FAM168A: variants seen among roughly 807,000 people sequenced by gnomAD.
FAM168A encodes protein FAM168A.
Under a neutral mutation model 28.5 loss-of-function variants are expected in FAM168A, and 3 were observed. The ratio of observed to expected loss-of-function variants is 0.11; its 90% CI spans 0.05 to 0.27. The LOEUF is 0.27. Among genes scored for constraint, FAM168A ranks in the 10% least tolerant of loss-of-function variants. FAM168A has a pLI of 1.00. For synonymous variants in FAM168A, 122 were observed against 124.2 expected, an observed-to-expected ratio of 0.98 and a Z score of 0.12; for missense variants, 222 against 311.5, an observed-to-expected ratio of 0.71 and a Z score of 2.16.
At chr11:73,469,340 A>G (rs1366707614) in intron 1 of FAM168A, among the ~76,000 whole-genome samples, 1 of 152,204 alleles carries the variant, frequency 6.6e-6, no homozygotes, top group Non-Finnish European at 1.5e-5. Context: ...GTCTCCAAAT[A>G]TATTATTTAC....
intron 4 of FAM168A, among the ~76,000 whole-genome samples, chr11:73,416,895 G>A (rs891595031): frequency 5.9e-5 from 9 of 151,972 alleles, no homozygotes; most frequent in Admixed American, 3.9e-4. Flanking sequence ...GCAGTGTGAC[G>A]TGATTGTGCC....
intron 5 of FAM168A, chr11:73,410,692 TTTAAG>T (rs1428816484): frequency 6.6e-6 from 1 of 152,202 alleles, no homozygotes; most frequent in Non-Finnish European, 1.5e-5. Flanking sequence ...TTGAGATCAA[TTTAAG>T]TTTTGTCTTC....
At chr11:73,414,649 T>C (rs745477185) in intron 4 of FAM168A, among the ~76,000 whole-genome samples, 19 of 152,208 alleles carry the variant, frequency 1.2e-4, no homozygotes, top group Non-Finnish European at 2.1e-4. Context: ...ACATTAACTG[T>C]TAAGTAAAAA....
At chr11:73,484,628 A>T (rs1868023482) in intron 1 of FAM168A, among the ~76,000 whole-genome samples, 1 of 145,020 alleles carries the variant, frequency 6.9e-6, no homozygotes, top group African/African-American at 2.6e-5. Flanking sequence ...CTATATATAG[A>T]TATCTATATC....
At chr11:73,556,661 C>T (rs1256580898) in intron 1 of FAM168A, among the ~76,000 whole-genome samples, 3 of 151,678 alleles carry the variant, frequency 2.0e-5, no homozygotes, top group Non-Finnish European at 4.4e-5. Context: ...ATTTAATACG[C>T]TAAACTATAC....
At chr11:73,570,733 CAAA>C (rs1239311974) in intron 1 of FAM168A, among the ~76,000 whole-genome samples, 2 of 92,992 alleles carry the variant, frequency 2.2e-5, no homozygotes, top group Admixed American at 1.2e-4. Flanking sequence ...GATACTGTCT[CAAA>C]AAAAAAAAAA....
At chr11:73,558,469 TAAA>T (rs367874557) in intron 1 of FAM168A, among the ~76,000 whole-genome samples, 5,411 of 75,364 alleles carry the variant, frequency 0.072, 407 homozygotes, top group African/African-American at 0.23. Flanking sequence ...ACCCTGTCTC[TAAA>T]AAAAAAAAAA....
intron 1 of FAM168A, among the ~76,000 whole-genome samples, chr11:73,577,978 T>G (rs934788630): frequency 6.6e-6 from 1 of 152,192 alleles, no homozygotes; most frequent in South Asian, 2.1e-4. Flanking sequence ...GAACAGGAGC[T>G]CTAAGTGACA....
chr11:73,510,889 A>G (rs1360199342), intron 1 of FAM168A: 1 of 280,966 alleles, frequency 3.6e-6, no homozygotes, highest in Admixed American at 5.3e-5. Flanking sequence ...TGACCACCAG[A>G]TCCAATGGAA....
intron 1 of FAM168A, among the ~76,000 whole-genome samples, chr11:73,508,735 T>C (rs538853639): frequency 3.3e-5 from 5 of 151,952 alleles, no homozygotes; most frequent in Admixed American, 6.6e-5. Flanking sequence ...TGTGACCTGC[T>C]CTATAGGATG....
chr11:73,458,662 G>C (rs1358944023), intron 2 of FAM168A, among the ~76,000 whole-genome samples: 2 of 152,124 alleles, frequency 1.3e-5, no homozygotes, highest in Admixed American at 1.3e-4. Flanking sequence ...CCAGGCTGGA[G>C]TGCAATGGTG....
At chr11:73,491,900 C>T (rs145809720) in intron 1 of FAM168A, among the ~76,000 whole-genome samples, 80 of 152,302 alleles carry the variant, frequency 5.3e-4, no homozygotes, top group African/African-American at 1.7e-3. Context: ...TGTGTAAAGT[C>T]CTTGGAATAC....
chr11:73,432,213 G>A (rs1436649522), intron 2 of FAM168A, among the ~76,000 whole-genome samples: 2 of 152,156 alleles, frequency 1.3e-5, no homozygotes, highest in Non-Finnish European at 2.9e-5. Context: ...TTTGGCTATT[G>A]TGAATAATGG....
intron 1 of FAM168A, among the ~76,000 whole-genome samples, chr11:73,580,812 G>A (rs1181679615): frequency 6.6e-6 from 1 of 152,142 alleles, no homozygotes; most frequent in East Asian, 1.9e-4. Context: ...TGGCCACCTT[G>A]GCACAAAAGC....
At position 73,404,251 on chromosome 11, in the gene FAM168A, CAG is replaced by C. The variant is rs1866463130; in HGVS notation, c.*2510_*2511del. The C allele has an allele frequency of 6.6e-6, 1 of 152,190 alleles. No homozygotes were observed. The highest frequency in any genetic ancestry group is 6.5e-5 in the Admixed American group (1 of 15,282). The allele number at this position is 152,190 out of a possible 1,614,324, so 9.4% of individuals were successfully genotyped here. On this transcript the variant is annotated 3_prime_UTR_variant, in exon 8 of 8. Transcript: ENST00000356467. Reference sequence around the variant, plus strand: ...TCCACCCCAGCCCACATGGAGGCAGCAGGGTTCTGGGAAGCCTAGCGGATACC... The same window carrying C: ...TCCACCCCAGCCCACATGGAGGCAGCGGTTCTGGGAAGCCTAGCGGATACC...
intron 1 of FAM168A, among the ~76,000 whole-genome samples, chr11:73,555,802 A>T (rs1269342360): frequency 6.6e-6 from 1 of 152,184 alleles, no homozygotes; most frequent in African/African-American, 2.4e-5. Flanking sequence ...TCAGCAAATC[A>T]GAGAACTAGT....
chr11:73,587,451 C>T (rs1225021403), intron 1 of FAM168A, among the ~76,000 whole-genome samples: 1 of 151,234 alleles, frequency 6.6e-6, no homozygotes, highest in Non-Finnish European at 1.5e-5. Context: ...CAGATCGCAC[C>T]ACTGCACTCC....
intron 1 of FAM168A, among the ~76,000 whole-genome samples, chr11:73,537,453 T>C (rs1015715677): frequency 2.0e-5 from 3 of 152,028 alleles, no homozygotes; most frequent in Non-Finnish European, 4.4e-5. Context: ...CCCAGCTACT[T>C]GGGGGACTGA....
intron 4 of FAM168A, among the ~76,000 whole-genome samples, chr11:73,412,085 G>A (rs1866621870): frequency 6.6e-6 from 1 of 151,850 alleles, no homozygotes; most frequent in Admixed American, 6.6e-5. Flanking sequence ...AAGTTTGAAG[G>A]TGAAAACCCC....
Sources: gnomAD v4.1 joint callset for allele counts (sites outside exome capture counted in the v4.1 genomes callset) on GRCh38, gnomAD v4.1.1 for gene constraint, MANE v1.5 for transcripts, NCBI Gene and HGNC (gene_info 2026-07-23, HGNC 2026-07-21) for gene names.